Variants in GLCCI1 observed in about 807,000 individuals in gnomAD.
GLCCI1 encodes the protein glucocorticoid induced 1.
Under a neutral mutation model 52.2 loss-of-function variants are expected in GLCCI1, and 24 were observed. The observed-to-expected ratio is 0.46, with a 90% confidence interval of 0.33 to 0.65. The LOEUF is 0.65. Ranked by LOEUF, GLCCI1 falls within the 30% of genes least tolerant of loss-of-function variation. The pLI is 0.02. For missense variants in GLCCI1, 704 were observed against 701.5 expected, an observed-to-expected ratio of 1.00 and a Z score of -0.04; for synonymous variants, 310 against 276.5, an observed-to-expected ratio of 1.12 and a Z score of -1.20.
In GLCCI1 at chr7:8,086,137, T is replaced by C. The variant is rs1453401889; in HGVS notation, c.1299-56T>C. 1.4e-6 allele frequency: 2 copies of C among 1,426,668 alleles called. No homozygotes were observed. The highest frequency in any genetic ancestry group is 2.2e-5 in the Admixed American group (1 of 46,478). The allele number at this position is 1,426,668 out of a possible 1,614,324, so 88.4% of individuals were successfully genotyped here. On this transcript the variant is annotated intron_variant, in intron 7 of 7. Transcript: ENST00000223145. The surrounding 1 kb of genome is among the most constrained non-coding windows in gnomAD (Gnocchi z 4.4). The stretch of plus-strand genomic sequence containing the variant: ...AGAGAACTCCAGTTAATTCAGAAAA[T>C]GCTTAACTTTTTCTGTGTTCATGAT...
intron 3 of GLCCI1, among the ~76,000 whole-genome samples, chr7:8,046,573 C>T (rs1158994253): frequency 5.3e-5 from 8 of 152,196 alleles, no homozygotes; most frequent in African/African-American, 1.9e-4. Context: ...TCAGACATTC[C>T]TTTCTATTGA....
chr7:8,060,524 A>T (rs1363461588), intron 5 of GLCCI1, among the ~76,000 whole-genome samples: 8 of 152,166 alleles, frequency 5.3e-5, no homozygotes, highest in Non-Finnish European at 1.2e-4. Context: ...GGCGGTCACT[A>T]ATCTGTTGAT....
At chr7:7,989,323 T>C (rs1052534503) in intron 1 of GLCCI1, among the ~76,000 whole-genome samples, 1 of 152,128 alleles carries the variant, frequency 6.6e-6, no homozygotes, top group African/African-American at 2.4e-5. Context: ...CATTGGCAAG[T>C]ATGGTTAATT....
intron 3 of GLCCI1, among the ~76,000 whole-genome samples, chr7:8,031,880 G>T (rs1781759541): frequency 6.6e-6 from 1 of 151,960 alleles, no homozygotes; most frequent in Non-Finnish European, 1.5e-5. Flanking sequence ...AAAAAGGTTA[G>T]TGCAAAAGGA....
chr7:8,004,228 C>A, intron 2 of GLCCI1, 169 bp downstream of exon 2: 1 of 602,408 alleles, frequency 1.7e-6, no homozygotes, highest in Non-Finnish European at 2.7e-6. Flanking sequence ...TGTTTTTTGT[C>A]ATCTGGCTTT....
At chr7:8,068,292 G>A (rs56195338) in intron 5 of GLCCI1, among the ~76,000 whole-genome samples, 5,480 of 152,306 alleles carry the variant, frequency 0.036, 141 homozygotes, top group Non-Finnish European at 0.056. Context: ...GGAGGTTGCA[G>A]TGAGCCGAGA....
chr7:7,972,300 C>T (rs896766734), intron 1 of GLCCI1, among the ~76,000 whole-genome samples: 2 of 151,958 alleles, frequency 1.3e-5, no homozygotes, highest in African/African-American at 4.8e-5. Context: ...TCCACCTCCT[C>T]CTTTTTCTGC....
intron 1 of GLCCI1, among the ~76,000 whole-genome samples, chr7:7,997,770 A>G: frequency 6.6e-6 from 1 of 152,006 alleles, no homozygotes; most frequent in East Asian, 1.9e-4. Context: ...TCTACAAAAA[A>G]TACAAAAATT....
rs558456690 is a variant in GLCCI1, at chr7:8,026,035, T to C, written c.696+3466T>C. Among the ~76,000 whole-genome samples, 154 of 152,336 alleles carry C rather than the reference T, an allele frequency of 1.0e-3. 1 individual carries two copies. The highest frequency in any genetic ancestry group is 3.6e-3 in the African/African-American group (150 of 41,584). On this transcript the variant is annotated intron_variant, in intron 3 of 7. Coordinates refer to ENST00000223145, the MANE Select transcript of GLCCI1 (RefSeq NM_138426.4). The stretch of plus-strand genomic sequence containing the variant: ...AGGAAGAATTGAAGAATGCTGGGAA[T>C]AGTAAATATGTGGTAAATATAAAGG...
At chr7:8,018,825 CT>C (rs1781427115) in intron 2 of GLCCI1, among the ~76,000 whole-genome samples, 1 of 152,038 alleles carries the variant, frequency 6.6e-6, no homozygotes, top group Admixed American at 6.6e-5. Context: ...ATTTATTTAA[CT>C]GTGGAACCCT....
intron 3 of GLCCI1, among the ~76,000 whole-genome samples, chr7:8,037,069 G>A (rs73050959): frequency 0.037 from 5,562 of 149,280 alleles, 138 homozygotes; most frequent in Non-Finnish European, 0.057. Flanking sequence ...AAGATATATT[G>A]CAAGATGACT....
intron 6 of GLCCI1, among the ~76,000 whole-genome samples, chr7:8,079,669 G>T (rs71533389): frequency 0.013 from 2,009 of 151,522 alleles, 45 homozygotes; most frequent in East Asian, 0.06. Flanking sequence ...AAAAACAAAA[G>T]AGTAACTTTT....
intron 6 of GLCCI1, among the ~76,000 whole-genome samples, chr7:8,073,561 GT>G (rs1020664744): frequency 9.9e-5 from 15 of 151,700 alleles, no homozygotes; most frequent in Non-Finnish European, 2.1e-4. Context: ...TAAAGCTAAG[GT>G]TTTTTTCCTA....
rs71014746 is a variant in GLCCI1 at position 8,012,432 on chromosome 7, C to CTTTTTTTTTTTTTT, written c.609+8390_609+8403dup. 6.6e-3 allele frequency among the ~76,000 whole-genome samples: 465 copies of CTTTTTTTTTTTTTT among 70,396 alleles called. 58 individuals are homozygous for CTTTTTTTTTTTTTT. Among genetic ancestry groups the CTTTTTTTTTTTTTT allele is most frequent in the Admixed American group, 8.5e-3 (39 of 4,608 alleles). The allele number at this position is 70,396 out of a possible 152,430, so 46.2% of individuals were successfully genotyped here. A position where few individuals can be genotyped will look rare whatever the true frequency, so the allele number is the denominator to read the frequency against. On this transcript the variant is annotated intron_variant, in intron 2 of 7. Transcript: ENST00000223145. ...CCATTCTGTGGGTTGCCTTTTTATT[C>CTTTTTTTTTTTTTT]TTTTTTTTTTTTTTTTTTTTTTTTT...
chr7:8,068,015 T>C (rs1046820486), intron 5 of GLCCI1, among the ~76,000 whole-genome samples: 2 of 152,134 alleles, frequency 1.3e-5, no homozygotes, highest in African/African-American at 2.4e-5. Context: ...TCTCTTTACA[T>C]AGTATTTCTC....
intron 3 of GLCCI1, 34 bp from the exon 4 acceptor site, chr7:8,055,399 T>C: frequency 7.3e-7 from 1 of 1,366,572 alleles, no homozygotes; most frequent in Non-Finnish European, 1.0e-6. Flanking sequence ...TTCACTTTTA[T>C]TCTCTTCTTA....
At chr7:7,970,238 G>A (rs930094287) in intron 1 of GLCCI1, among the ~76,000 whole-genome samples, 4 of 152,178 alleles carry the variant, frequency 2.6e-5, no homozygotes, top group African/African-American at 9.7e-5. Flanking sequence ...TACCGGGATA[G>A]TATTTTATTT....
intron 2 of GLCCI1, among the ~76,000 whole-genome samples, chr7:8,021,519 T>C (rs963084287): frequency 2.7e-5 from 4 of 147,468 alleles, no homozygotes; most frequent in Non-Finnish European, 5.9e-5. Flanking sequence ...TTCAAGTGAT[T>C]CTCCTGTCTC....
chr7:8,003,904 G>A lies in GLCCI1; in HGVS notation c.458-4G>A, dbSNP rs768411214. 11 of 1,599,536 alleles carry A rather than the reference G, an allele frequency of 6.9e-6. No individual in the cohort carries two copies. The highest frequency in any genetic ancestry group is 9.4e-6 in the Non-Finnish European group (11 of 1,174,684). Reference sequence around the variant, plus strand: ...TGACTAATCTTTTTTTTCACTTTCTGTAGCGGACAAGGCAAAATCTCAGCA... The same window carrying A: ...TGACTAATCTTTTTTTTCACTTTCTATAGCGGACAAGGCAAAATCTCAGCA... On this transcript the variant is annotated splice_region_variant and splice_polypyrimidine_tract_variant and intron_variant, in intron 1 of 7. Coordinates refer to ENST00000223145, the MANE Select transcript of GLCCI1 (RefSeq NM_138426.4).
Sources: gnomAD v4.1 joint callset for allele counts (sites outside exome capture counted in the v4.1 genomes callset) on GRCh38, gnomAD v4.1.1 for gene constraint, Gnocchi (gnomAD v3.1) non-coding constraint, MANE v1.5 for transcripts, NCBI Gene and HGNC (gene_info 2026-07-23, HGNC 2026-07-21) for gene names.